Variants in ACSL1 observed in about 807,000 individuals in gnomAD.
The protein encoded by ACSL1 is long-chain-fatty-acid--CoA ligase 1.
Under a neutral mutation model 98.4 loss-of-function variants are expected in ACSL1, and 41 were observed. The observed-to-expected ratio is 0.42, with a 90% CI of 0.32 to 0.54. ACSL1 has a LOEUF of 0.54. Among genes scored for constraint, ACSL1 ranks in the 20% least tolerant of loss-of-function variants. ACSL1 has a pLI of 0.13. For synonymous variants in ACSL1, 316 were observed against 322.7 expected, an observed-to-expected ratio of 0.98 and a Z score of 0.22; for missense variants, 734 against 883.1, an observed-to-expected ratio of 0.83 and a Z score of 2.14.
intron 2 of ACSL1, among the ~76,000 whole-genome samples, chr4:184,800,168 T>G (rs1770233129): frequency 6.6e-6 from 1 of 152,172 alleles, no homozygotes; most frequent in African/African-American, 2.4e-5. Flanking sequence ...ATTGCATAAC[T>G]CTTCAGTCCT....
At chr4:184,788,014 T>C (rs892032287) in intron 3 of ACSL1, among the ~76,000 whole-genome samples, 7 of 151,848 alleles carry the variant, frequency 4.6e-5, no homozygotes, top group Non-Finnish European at 1.0e-4. Flanking sequence ...AAAAGCAAAA[T>C]AGAACTGCAC....
At chr4:184,820,308 C>G (rs182405943) in intron 1 of ACSL1, among the ~76,000 whole-genome samples, 15 of 152,356 alleles carry the variant, frequency 9.8e-5, no homozygotes, top group Admixed American at 9.8e-4. Context: ...TGAGCCACTG[C>G]ACCCGGCCAG....
chr4:184,785,749 C>T (rs1319141508), intron 3 of ACSL1, among the ~76,000 whole-genome samples: 3 of 152,012 alleles, frequency 2.0e-5, no homozygotes, highest in East Asian at 1.9e-4. Context: ...GGGGAGCAAG[C>T]GACCAAAGAA....
intron 1 of ACSL1, among the ~76,000 whole-genome samples, chr4:184,824,251 G>A (rs1381627001): frequency 3.9e-5 from 6 of 152,024 alleles, no homozygotes; most frequent in Non-Finnish European, 7.4e-5. Flanking sequence ...TCAGCCTCTC[G>A]AGTAGCTGGG....
intron 1 of ACSL1, chr4:184,813,842 T>C: frequency 2.2e-6 from 1 of 456,148 alleles, no homozygotes; most frequent in Non-Finnish European, 4.4e-6. Context: ...ATGCAGGCAC[T>C]TTCCTCCTCC....
At chr4:184,791,201 C>T (rs915986248) in intron 2 of ACSL1, among the ~76,000 whole-genome samples, 5 of 152,202 alleles carry the variant, frequency 3.3e-5, no homozygotes, top group African/African-American at 1.2e-4. Context: ...AAAGCAACAC[C>T]ACTTTCTGCA....
chr4:184,808,565 A>C, intron 1 of ACSL1: 1 of 935,230 alleles, frequency 1.1e-6, no homozygotes, highest in Non-Finnish European at 1.3e-6. Flanking sequence ...CCCTTGTACA[A>C]TAGGCTATTT....
Position 184,773,949 on chromosome 4 carries a change from C to CTA in ACSL1, c.757-75_757-74insTA. 4 of 1,561,722 alleles carry CTA rather than the reference C, an allele frequency of 2.6e-6. No individual in the cohort carries two copies. Among genetic ancestry groups the CTA allele is most frequent in the Non-Finnish European group, 3.5e-6 (4 of 1,138,156 alleles). On this transcript the variant is annotated intron_variant, in intron 7 of 20. Coordinates refer to ENST00000281455, the MANE Select transcript of ACSL1 (RefSeq NM_001995.5). The surrounding 1 kb of genome is among the most constrained non-coding windows in gnomAD (Gnocchi z 4.3). ...TAAAGGATAAGGTCACATCGAGTCACTTAAAGCTGGCTTTACTGTGGGGTT... is the reference window on the plus strand; with the variant it reads ...TAAAGGATAAGGTCACATCGAGTCACTATTAAAGCTGGCTTTACTGTGGGGTT...
At chr4:184,809,032 T>C (rs1771768024) in intron 1 of ACSL1, among the ~76,000 whole-genome samples, 1 of 152,232 alleles carries the variant, frequency 6.6e-6, no homozygotes, top group African/African-American at 2.4e-5. Context: ...CTTGTGGCTT[T>C]TTCTTCCCAA....
chr4:184,816,139 A>G (rs1299668428), intron 1 of ACSL1, among the ~76,000 whole-genome samples: 1 of 151,956 alleles, frequency 6.6e-6, no homozygotes, highest in Non-Finnish European at 1.5e-5. Context: ...AAAAGCAGAC[A>G]TGAATGGAAT....
At chr4:184,800,343 A>C (rs1160541838) in intron 2 of ACSL1, among the ~76,000 whole-genome samples, 1 of 152,068 alleles carries the variant, frequency 6.6e-6, no homozygotes, top group Non-Finnish European at 1.5e-5. Flanking sequence ...TTCCGCTCCA[A>C]CATGCTCCTG....
intron 5 of ACSL1, 122 bp from the exon 6 acceptor site, chr4:184,777,105 T>G: frequency 1.2e-6 from 1 of 816,726 alleles, no homozygotes; most frequent in Non-Finnish European, 2.0e-6. Flanking sequence ...AACATCTGTG[T>G]TAGCTACTAC....
chr4:184,784,000 A>G lies in ACSL1; in HGVS notation c.311-9T>C, dbSNP rs779517123. 5.3e-5 allele frequency: 85 copies of G among 1,611,500 alleles called. 1 individual carries two copies. The highest frequency in any genetic ancestry group is 6.7e-5 in the Non-Finnish European group (79 of 1,178,416). ...TAAACAAGGGCCATTATCTAAAAAA[A>G]GAGAAAAAACAACAGATGGGCTGAA... On this transcript the variant is annotated splice_polypyrimidine_tract_variant and intron_variant, in intron 3 of 20. Transcript: ENST00000281455.
rs1046971982 is a variant in ACSL1 at position 184,797,478 on chromosome 4, A to G, written c.195+5842T>C. On this transcript the variant is annotated intron_variant, in intron 2 of 20. Coordinates refer to ENST00000281455, the MANE Select transcript of ACSL1 (RefSeq NM_001995.5). ...CCTCTAAACATGGATGAAGGATGCC[A>G]GTCCTTGTTGCAGTGTGCATGTGAG... Among the ~76,000 whole-genome samples, 31 of 152,320 alleles carry G rather than the reference A, an allele frequency of 2.0e-4. No individual in the cohort carries two copies. In the East Asian group the frequency reaches 5.0e-3, roughly 25 times the overall value.
intron 2 of ACSL1, among the ~76,000 whole-genome samples, chr4:184,792,095 T>C (rs143424065): frequency 1.4e-3 from 213 of 152,292 alleles, no homozygotes; most frequent in African/African-American, 4.9e-3. Flanking sequence ...CCGAGAAACA[T>C]GGAGGCAAAC....
intron 1 of ACSL1, among the ~76,000 whole-genome samples, chr4:184,816,542 T>C (rs1772652923): frequency 1.3e-5 from 2 of 152,150 alleles, no homozygotes; most frequent in African/African-American, 4.8e-5. Flanking sequence ...GAATGGGTGA[T>C]ACTAGTTTGG....
At chr4:184,762,712 C>T (rs1027338436) in intron 16 of ACSL1, among the ~76,000 whole-genome samples, 189 bp from the exon 17 acceptor site, 5 of 152,252 alleles carry the variant, frequency 3.3e-5, no homozygotes, top group Admixed American at 6.5e-5. Flanking sequence ...TACTTCCCTT[C>T]CTGAATTACC....
rs1417161881 is a variant in ACSL1 at position 184,766,288 on chromosome 4, G to A, written c.1264-302C>T. Among the ~76,000 whole-genome samples, 1 of 152,168 alleles carries A rather than the reference G, an allele frequency of 6.6e-6. No individual in the cohort carries two copies. Among genetic ancestry groups the A allele is most frequent in the African/African-American group, 2.4e-5 (1 of 41,434 alleles). On this transcript the variant is annotated intron_variant, in intron 13 of 20. Coordinates refer to ENST00000281455, the MANE Select transcript of ACSL1 (RefSeq NM_001995.5). This position sits in a 1 kb window ranked among gnomAD's most constrained non-coding sequence, Gnocchi z 4.8. ...GCAACTACCACAATTCTGGCCTTCTGGGGGGCATGATATTGTTACACGTTA... is the reference window on the plus strand; with the variant it reads ...GCAACTACCACAATTCTGGCCTTCTAGGGGGCATGATATTGTTACACGTTA...
Position 184,762,518 on chromosome 4 carries a change from A to G in ACSL1, c.1527T>C (p.Cys509=). The change falls in exon 17 of 21, where the codon TGT becomes TGC. Residue 509 remains cysteine, a synonymous_variant. Coordinates refer to ENST00000281455, the MANE Select transcript of ACSL1 (RefSeq NM_001995.5). ...CCTGAAATACATTTGGCCCTTTCACACACACCTAAAGAAAAGAAGATCATC... is the reference window on the plus strand; with the variant it reads ...CCTGAAATACATTTGGCCCTTTCACGCACACCTAAAGAAAAGAAGATCATC... ...YMAAEGEGEV[C]VKGPNVFQGY... 2 of 1,613,752 alleles carry G rather than the reference A, an allele frequency of 1.2e-6. No individual in the cohort carries two copies. Among genetic ancestry groups the G allele is most frequent in the South Asian group, 2.2e-5 (2 of 91,084 alleles).
Sources: gnomAD v4.1 joint callset for allele counts (sites outside exome capture counted in the v4.1 genomes callset) on GRCh38, gnomAD v4.1.1 for gene constraint, Gnocchi (gnomAD v3.1) non-coding constraint, MANE v1.5 for transcripts, NCBI Gene and HGNC (gene_info 2026-07-23, HGNC 2026-07-21) for gene names.